The following MAML3 variants were observed in gnomAD, a reference collection of about 807,000 sequenced individuals.
The protein encoded by MAML3 is mastermind like transcriptional coactivator 3, also known as mastermind-like protein 3.
Under a neutral mutation model 101.9 loss-of-function variants are expected in MAML3, and 27 were observed. The observed-to-expected ratio is 0.27, with a 90% CI of 0.20 to 0.37. MAML3 has a LOEUF of 0.37. Ranked by LOEUF, MAML3 falls within the 10% of genes least tolerant of loss-of-function variation. MAML3 has a pLI of 1.00. For missense variants in MAML3, 1,316 were observed against 1,444.9 expected (o/e 0.91, Z 1.45); for synonymous variants, 501 against 555.9 (o/e 0.90, Z 1.39).
At chr4:139,939,859 G>A (rs921282709) in intron 1 of MAML3, among the ~76,000 whole-genome samples, 1 of 149,680 alleles carries the variant, frequency 6.7e-6, no homozygotes, top group Non-Finnish European at 1.5e-5. Context: ...CCGCCTCCTC[G>A]ATTCAAGCGA....
chr4:139,898,086 G>A (rs1004520134), intron 1 of MAML3, among the ~76,000 whole-genome samples: 1 of 152,104 alleles, frequency 6.6e-6, no homozygotes, highest in African/African-American at 2.4e-5. Flanking sequence ...TCCTGATGTT[G>A]GTTAAGAGAC....
chr4:139,787,898 T>C (rs1730334067), intron 2 of MAML3, among the ~76,000 whole-genome samples: 1 of 152,258 alleles, frequency 6.6e-6, no homozygotes, highest in African/African-American at 2.4e-5. Flanking sequence ...TAATTTTTTA[T>C]TAACCATGTC....
At chr4:139,732,669 A>G (rs1728774600) in intron 2 of MAML3, among the ~76,000 whole-genome samples, 1 of 151,780 alleles carries the variant, frequency 6.6e-6, no homozygotes, top group Admixed American at 6.6e-5. Flanking sequence ...TTATCGGGGT[A>G]CAGGTGGTAT....
At chr4:139,948,585 G>C (rs1443468486) in intron 1 of MAML3, among the ~76,000 whole-genome samples, 1 of 152,192 alleles carries the variant, frequency 6.6e-6, no homozygotes, top group Non-Finnish European at 1.5e-5. Context: ...ATTATGAACC[G>C]AATTCCCTAA....
intron 2 of MAML3, chr4:139,740,365 G>A (rs916093938): frequency 1.3e-5 from 2 of 152,228 alleles, no homozygotes; most frequent in African/African-American, 2.4e-5. Context: ...CCACTGAGAC[G>A]AGCACAGCCT....
intron 2 of MAML3, among the ~76,000 whole-genome samples, chr4:139,858,636 C>G (rs1731711242): frequency 6.6e-6 from 1 of 152,104 alleles, no homozygotes; most frequent in African/African-American, 2.4e-5. Context: ...GTCCTGTGTT[C>G]TGAAGCACAA....
At chr4:139,824,302 A>G (rs1047419629) in intron 2 of MAML3, among the ~76,000 whole-genome samples, 53 of 152,330 alleles carry the variant, frequency 3.5e-4, no homozygotes, top group Middle Eastern at 3.4e-3. Flanking sequence ...AGAATGCCGC[A>G]CGCATTTGTT....
intron 1 of MAML3, among the ~76,000 whole-genome samples, chr4:139,990,553 C>A (rs1264708649): frequency 3.3e-5 from 5 of 149,662 alleles, no homozygotes; most frequent in African/African-American, 9.9e-5. Flanking sequence ...CTGGCCAGGG[C>A]AATTAGGCAG....
At chr4:139,952,713 T>C (rs977213673) in intron 1 of MAML3, among the ~76,000 whole-genome samples, 3 of 152,192 alleles carry the variant, frequency 2.0e-5, no homozygotes, top group African/African-American at 7.2e-5. Context: ...CTCCTCTTGC[T>C]CTAGAAGGGG....
At chr4:139,883,019 G>A (rs539626306) in intron 2 of MAML3, among the ~76,000 whole-genome samples, 2 of 152,210 alleles carry the variant, frequency 1.3e-5, no homozygotes, top group South Asian at 4.1e-4. Flanking sequence ...CCACCAATTT[G>A]AGGGAATAAT....
At chr4:139,768,241 TG>T (rs1453221703) in intron 2 of MAML3, among the ~76,000 whole-genome samples, 4 of 150,180 alleles carry the variant, frequency 2.7e-5, no homozygotes, top group African/African-American at 1.0e-4. Context: ...TGTGTGTGTG[TG>T]TGTGTGTGTG....
intron 1 of MAML3, among the ~76,000 whole-genome samples, chr4:140,067,515 G>A (rs1727559326): frequency 6.6e-6 from 1 of 152,110 alleles, no homozygotes; most frequent in African/African-American, 2.4e-5. Flanking sequence ...ATTAAGGTGG[G>A]GAGGGGTATG....
At chr4:139,888,045 T>C (rs116146027) in intron 2 of MAML3, among the ~76,000 whole-genome samples, 1 of 152,298 alleles carries the variant, frequency 6.6e-6, no homozygotes, top group African/African-American at 2.4e-5. Context: ...CCGGCTGGCA[T>C]GTGCAGACAA....
At chr4:139,743,559 T>A (rs1468782636) in intron 2 of MAML3, among the ~76,000 whole-genome samples, 1 of 152,214 alleles carries the variant, frequency 6.6e-6, no homozygotes, top group East Asian at 1.9e-4. Flanking sequence ...ACACTAAATA[T>A]ACATGGCTGT....
chr4:139,982,304 G>A (rs1734458622), intron 1 of MAML3, among the ~76,000 whole-genome samples: 2 of 152,088 alleles, frequency 1.3e-5, no homozygotes, highest in African/African-American at 4.8e-5. Flanking sequence ...GTGCCCTTTT[G>A]ACATACCCCT....
At chr4:139,938,623 C>T (rs537775969) in intron 1 of MAML3, among the ~76,000 whole-genome samples, 8 of 152,090 alleles carry the variant, frequency 5.3e-5, no homozygotes, top group Non-Finnish European at 1.2e-4. Flanking sequence ...CTTTTAATAG[C>T]CTGCTGCATT....
At chr4:139,904,927 A>G (rs1732791717) in intron 1 of MAML3, among the ~76,000 whole-genome samples, 1 of 152,232 alleles carries the variant, frequency 6.6e-6, no homozygotes, top group East Asian at 1.9e-4. Context: ...CAGTAAAAAC[A>G]TGAAAAATGT....
intron 2 of MAML3, among the ~76,000 whole-genome samples, chr4:139,858,777 C>T (rs760765670): frequency 2.6e-5 from 4 of 152,140 alleles, no homozygotes; most frequent in South Asian, 2.1e-4. Context: ...CTATGGTTTC[C>T]GCATGTCACT....
chr4:139,888,639 T>C (rs1178958793), intron 2 of MAML3: 2 of 519,024 alleles, frequency 3.9e-6, no homozygotes, highest in Admixed American at 1.9e-5. Context: ...CAACCTCCCA[T>C]GAAGGAGGAC....
Sources: allele counts gnomAD v4.1 joint callset (sites outside exome capture counted in the v4.1 genomes callset), GRCh38; gene constraint gnomAD v4.1.1; transcripts MANE v1.5; gene names NCBI Gene and HGNC (gene_info 2026-07-23, HGNC 2026-07-21).